CELF5: variants seen among roughly 807,000 people sequenced by gnomAD.
CELF5 encodes the protein CUG-BP and ETR-3 like factor 5.
In CELF5, 6 loss-of-function variants were observed where a neutral mutation model predicts 54.9. That is an observed-to-expected ratio of 0.11 (90% CI 0.06 to 0.22). The LOEUF (loss-of-function observed/expected upper bound fraction) is 0.22. Among genes scored for constraint, CELF5 ranks in the 10% least tolerant of loss-of-function variants. The pLI is 1.00. For synonymous variants in CELF5, 271 were observed against 290.9 expected (o/e 0.93, Z 0.70); for missense variants, 401 against 678.6 (o/e 0.59, Z 4.54).
intron 2 of CELF5, 88 bp downstream of exon 2, chr19:3,251,155 G>A: frequency 2.1e-6 from 2 of 940,098 alleles, no homozygotes; most frequent in Non-Finnish European, 3.4e-6. Context: ...GAGATTGGCT[G>A]TGAATTCTGT....
At chr19:3,251,652 C>CTTTTTTTTT (rs1195812856) in intron 2 of CELF5, among the ~76,000 whole-genome samples, 191 of 67,028 alleles carry the variant, frequency 2.8e-3, no homozygotes, top group East Asian at 0.014. Context: ...ACAAGGGCTT[C>CTTTTTTTTT]TTTTTTTTTT....
At position 3,282,106 on chromosome 19, in the gene CELF5, T is replaced by C. The variant is rs139922659; in HGVS notation, c.751-20T>C. 2.7e-5 allele frequency: 44 copies of C among 1,614,034 alleles called. No individual in the cohort carries two copies. In the African/African-American group the frequency reaches 5.2e-4, roughly 19 times the overall value. ...CTCAGGGCAGATATCACCCCAACTGTGACATGTCTTCACCCCCAGCTCATG... is the reference window on the plus strand; with the variant it reads ...CTCAGGGCAGATATCACCCCAACTGCGACATGTCTTCACCCCCAGCTCATG... On this transcript the variant is annotated intron_variant, in intron 6 of 12. Transcript: ENST00000292672. The surrounding 1 kb of genome is among the most constrained non-coding windows in gnomAD (Gnocchi z 5.2).
chr19:3,295,357 A>G (rs1333916517), intron 12 of CELF5: 1 of 151,896 alleles, frequency 6.6e-6, no homozygotes, highest in Non-Finnish European at 1.5e-5. Context: ...TCCTATATAT[A>G]TATATATGCA....
rs2080032227 is a variant in CELF5, at chr19:3,275,460, A to G, written c.395-396A>G. On this transcript the variant is annotated intron_variant, in intron 3 of 12. Coordinates refer to ENST00000292672, the MANE Select transcript of CELF5 (RefSeq NM_021938.4). The surrounding 1 kb of genome is among the most constrained non-coding windows in gnomAD (Gnocchi z 6.7). ...GGAGCAGACAGAAAGACAGACAGACAGACAGACAGGGACCCAGGCCCGGCG... is the reference window on the plus strand; with the variant it reads ...GGAGCAGACAGAAAGACAGACAGACGGACAGACAGGGACCCAGGCCCGGCG... 6.6e-6 allele frequency among the ~76,000 whole-genome samples: 1 copy of G among 152,230 alleles called. No individual in the cohort carries two copies. Among genetic ancestry groups the G allele is most frequent in the African/African-American group, 2.4e-5 (1 of 41,458 alleles).
intron 10 of CELF5, among the ~76,000 whole-genome samples, chr19:3,289,088 G>T (rs1007912267): frequency 6.6e-6 from 1 of 152,092 alleles, no homozygotes; most frequent in African/African-American, 2.4e-5. Flanking sequence ...TTTATGGTTG[G>T]TATATTATGT....
At chr19:3,265,845 C>T (rs188714611) in intron 2 of CELF5, among the ~76,000 whole-genome samples, 2 of 152,068 alleles carry the variant, frequency 1.3e-5, no homozygotes, top group Middle Eastern at 3.4e-3. Flanking sequence ...CTCACTCTGT[C>T]ATCCAGGCCA....
In CELF5 at chr19:3,281,101, C is replaced by T; in HGVS notation, c.604-98C>T. On this transcript the variant is annotated intron_variant, in intron 5 of 12. Coordinates refer to ENST00000292672, the MANE Select transcript of CELF5 (RefSeq NM_021938.4). The surrounding 1 kb of genome is among the most constrained non-coding windows in gnomAD (Gnocchi z 6.5). ...GGCTGACAGCCACTGGCATTACACC[C>T]CTCACCCAGGAGGCCTGAGCTAACA... 1 of 1,413,618 alleles carries T rather than the reference C, an allele frequency of 7.1e-7. No individual in the cohort carries two copies. Among genetic ancestry groups the T allele is most frequent in the South Asian group, 1.3e-5 (1 of 79,854 alleles). The allele number at this position is 1,413,618 out of a possible 1,614,324, so 87.6% of individuals were successfully genotyped here.
At chr19:3,233,722 G>T (rs1917384401) in intron 1 of CELF5, among the ~76,000 whole-genome samples, 1 of 152,170 alleles carries the variant, frequency 6.6e-6, no homozygotes, top group Admixed American at 6.5e-5. Flanking sequence ...CGCGCAGGTT[G>T]TTGAGCGGGT....
At chr19:3,247,663 G>A (rs1231351982) in intron 1 of CELF5, among the ~76,000 whole-genome samples, 1 of 151,686 alleles carries the variant, frequency 6.6e-6, no homozygotes, top group African/African-American at 2.4e-5. Flanking sequence ...TACATTGCAC[G>A]CTTACGTGTT....
chr19:3,274,433 C>A (rs1369023983), intron 3 of CELF5, among the ~76,000 whole-genome samples: 1 of 152,208 alleles, frequency 6.6e-6, no homozygotes, highest in Non-Finnish European at 1.5e-5. Flanking sequence ...TGCACATAAG[C>A]GCACATGTGT....
At position 3,282,645 on chromosome 19, in the gene CELF5, G is replaced by A; in HGVS notation, c.1039+147G>A. The A allele has an allele frequency of 1.1e-6, 1 of 907,520 alleles. No individual in the cohort carries two copies. Among genetic ancestry groups the A allele is most frequent in the Admixed American group, 2.8e-5 (1 of 35,288 alleles). The allele number at this position is 907,520 out of a possible 1,614,324, so 56.2% of individuals were successfully genotyped here. A position where few individuals can be genotyped will look rare whatever the true frequency, so the allele number is the denominator to read the frequency against. On this transcript the variant is annotated intron_variant, in intron 8 of 12. Transcript: ENST00000292672. This position sits in a 1 kb window ranked among gnomAD's most constrained non-coding sequence, Gnocchi z 5.2. ...TCTCCGCTGAGCAGATAAGAGCTGT[G>A]GACACAGGAAGGGAGGCCGTGGCAG...
chr19:3,280,257 G>A (rs2080126197), intron 5 of CELF5, among the ~76,000 whole-genome samples: 1 of 152,196 alleles, frequency 6.6e-6, no homozygotes, highest in Non-Finnish European at 1.5e-5. Flanking sequence ...TGGGCCACAG[G>A]TTCATCTGCC....
chr19:3,232,121 G>A (rs533682977), intron 1 of CELF5, among the ~76,000 whole-genome samples: 1 of 152,200 alleles, frequency 6.6e-6, no homozygotes, highest in South Asian at 2.1e-4. Context: ...AGACAGGCTT[G>A]GTTCCAATCC....
intron 2 of CELF5, among the ~76,000 whole-genome samples, chr19:3,254,653 A>T (rs1176325349): frequency 7.0e-6 from 1 of 143,500 alleles, no homozygotes; most frequent in Non-Finnish European, 1.5e-5. Flanking sequence ...CACATCTATT[A>T]TGCATCCCTC....
chr19:3,235,394 A>G (rs1258940124), intron 1 of CELF5, among the ~76,000 whole-genome samples: 1 of 150,268 alleles, frequency 6.7e-6, no homozygotes, highest in Non-Finnish European at 1.5e-5. Context: ...TCTCCTTCCT[A>G]ATAGACTGTA....
At chr19:3,238,007 C>A (rs1381955753) in intron 1 of CELF5, among the ~76,000 whole-genome samples, 3 of 151,608 alleles carry the variant, frequency 2.0e-5, no homozygotes, top group Non-Finnish European at 4.4e-5. Flanking sequence ...CGAGATCACG[C>A]CACTGCACTC....
Position 3,268,016 on chromosome 19 carries a change from T to C in CELF5, c.343-5856T>C, listed in dbSNP as rs1379774916. Among the ~76,000 whole-genome samples, 1 of 152,128 alleles carries C rather than the reference T, an allele frequency of 6.6e-6. No individual in the cohort carries two copies. The highest frequency in any genetic ancestry group is 2.4e-5 in the African/African-American group (1 of 41,416). ...TTTGTTTTGTTTTGTTTTGCTTTTT[T>C]GAGATGGAGTCTCGCTCTGTCGCCC... On this transcript the variant is annotated intron_variant, in intron 2 of 12. Transcript: ENST00000292672. This position sits in a 1 kb window ranked among gnomAD's most constrained non-coding sequence, Gnocchi z 4.4.
rs2080028973 is a variant in CELF5 at position 3,275,284 on chromosome 19, C to A, written c.395-572C>A. ...GCAGGGGGTCCAGCCTGCCAAGGCC[C>A]CTGGTCCACTGAGCACGTGAACCCT... is the stretch of plus-strand genomic sequence containing the variant. On this transcript the variant is annotated intron_variant, in intron 3 of 12. Transcript: ENST00000292672. The surrounding 1 kb of genome is among the most constrained non-coding windows in gnomAD (Gnocchi z 6.7). 6.6e-6 allele frequency among the ~76,000 whole-genome samples: 1 copy of A among 152,236 alleles called. No homozygotes were observed.
At chr19:3,290,522 C>T (rs988521973) in intron 11 of CELF5, 148 bp downstream of exon 11, 206 of 760,604 alleles carry the variant, frequency 2.7e-4, no homozygotes, top group Non-Finnish European at 3.7e-4. Context: ...CAGTGGATCA[C>T]GCCTGTGATC....
Sources: gnomAD v4.1 joint callset for allele counts (sites outside exome capture counted in the v4.1 genomes callset) on GRCh38, gnomAD v4.1.1 for gene constraint, Gnocchi (gnomAD v3.1) non-coding constraint, MANE v1.5 for transcripts, NCBI Gene and HGNC (gene_info 2026-07-23, HGNC 2026-07-21) for gene names.